VAV2: variants seen among roughly 807,000 people sequenced by gnomAD.
The protein encoded by VAV2 is vav guanine nucleotide exchange factor 2.
VAV2 carries 67 observed loss-of-function variants against 132.5 expected under a neutral mutation model. That is an observed-to-expected ratio of 0.51 (90% CI 0.42 to 0.62). The LOEUF (loss-of-function observed/expected upper bound fraction) is 0.62, where lower values mean the gene tolerates loss of function less well. Ranked by LOEUF, VAV2 falls within the 20% of genes least tolerant of loss-of-function variation. The probability of loss-of-function intolerance (pLI) is 0.00; values close to 1 mark genes in which losing one functional copy is unlikely to be tolerated. For synonymous variants in VAV2, 492 were observed against 443.5 expected, an observed-to-expected ratio of 1.11 and a Z score of -1.37; for missense variants, 938 against 1,153.6, an observed-to-expected ratio of 0.81 and a Z score of 2.71.
At chr9:133,790,844 C>T (rs546315787) in intron 13 of VAV2, among the ~76,000 whole-genome samples, 4 of 152,170 alleles carry the variant, frequency 2.6e-5, no homozygotes, top group South Asian at 2.1e-4. Context: ...GCCTGGCCAT[C>T]GGGGACCTTC....
rs1456256353 is a variant in VAV2 at position 133,797,955 on chromosome 9, C to G, written c.837-146G>C. 4 of 671,116 alleles carry G rather than the reference C, an allele frequency of 6.0e-6. No individual in the cohort carries two copies. In the African/African-American group the frequency reaches 7.4e-5, roughly 12 times the overall value. The allele number at this position is 671,116 out of a possible 1,614,324, so 41.6% of individuals were successfully genotyped here. A position where few individuals can be genotyped will look rare whatever the true frequency, so the allele number is the denominator to read the frequency against. ...ACAGCTCCCTGCACGTGGACACATT[C>G]AACGGCCAGGAGGCTGCTCTCCCCT... On this transcript the variant is annotated intron_variant, in intron 9 of 29. Coordinates refer to ENST00000371850, the MANE Select transcript of VAV2 (RefSeq NM_001134398.2).
At chr9:133,821,184 G>A (rs368004291) in intron 4 of VAV2, among the ~76,000 whole-genome samples, 1 of 152,208 alleles carries the variant, frequency 6.6e-6, no homozygotes, top group Admixed American at 6.5e-5. Context: ...AGAAAGAAGC[G>A]TGTGGAGGCT....
rs753062725 is a variant in VAV2, at chr9:133,796,529, G to A, written c.937-5C>T. 2.5e-6 allele frequency: 4 copies of A among 1,612,408 alleles called. No homozygotes were observed. In the East Asian group the frequency reaches 8.9e-5, roughly 36 times the overall value. ...CTGGACCTTCAGTGTGCACTCCTGG[G>A]AGGGCGACAGGGCGATGGGAGAGCC... is the stretch of plus-strand genomic sequence containing the variant. On this transcript the variant is annotated splice_polypyrimidine_tract_variant and splice_region_variant and intron_variant, in intron 10 of 29. Coordinates refer to ENST00000371850, the MANE Select transcript of VAV2 (RefSeq NM_001134398.2).
At chr9:133,967,898 A>C (rs1030342717) in intron 1 of VAV2, among the ~76,000 whole-genome samples, 2 of 132,028 alleles carry the variant, frequency 1.5e-5, no homozygotes, top group African/African-American at 5.7e-5. Flanking sequence ...ACACCACTGC[A>C]CTCCAGCCTG....
At chr9:133,959,359 A>G (rs1006763175) in intron 1 of VAV2, among the ~76,000 whole-genome samples, 1 of 152,038 alleles carries the variant, frequency 6.6e-6, no homozygotes, top group Non-Finnish European at 1.5e-5. Flanking sequence ...GGCTTCCCCA[A>G]CGGTGACCTC....
chr9:133,943,488 A>G (rs1841246056), intron 1 of VAV2, among the ~76,000 whole-genome samples: 1 of 152,206 alleles, frequency 6.6e-6, no homozygotes, highest in African/African-American at 2.4e-5. Flanking sequence ...TCATTGATCC[A>G]ACCTGGCCTT....
At position 133,770,496 on chromosome 9, in the gene VAV2, C is replaced by G. The variant is rs749975481; in HGVS notation, c.2229G>C (p.Leu743Phe). The G allele has an allele frequency of 7.4e-6, 12 of 1,613,926 alleles. No homozygotes were observed. The highest frequency in any genetic ancestry group is 1.0e-5 in the Non-Finnish European group (12 of 1,179,896). The stretch of plus-strand genomic sequence containing the variant: ...GTGAGTGGCACTGGTAGTACTCCAC[C>G]AACTCCTGCAGGGCGTACACACTCA... ...EAKKFDSLLELVEYYQCHSLK... is the reference protein window; with the variant it reads ...EAKKFDSLLEFVEYYQCHSLK... The change falls in exon 27 of 30, where the codon TTG becomes TTC. Residue 743 changes from leucine to phenylalanine, a missense_variant. By Grantham distance (22) the Leu-to-Phe change is conservative. Coordinates refer to ENST00000371850, the MANE Select transcript of VAV2 (RefSeq NM_001134398.2).
intron 4 of VAV2, among the ~76,000 whole-genome samples, chr9:133,819,847 A>G: frequency 6.6e-6 from 1 of 152,238 alleles, no homozygotes; most frequent in East Asian, 1.9e-4. Context: ...CATATTCTAA[A>G]TGATGAGAGA....
chr9:133,927,632 C>T (rs1162074995), intron 2 of VAV2, among the ~76,000 whole-genome samples: 4 of 152,128 alleles, frequency 2.6e-5, no homozygotes, highest in African/African-American at 7.2e-5. Flanking sequence ...TGGAGTTGGC[C>T]CCACTCCAAG....
rs1833685629 is a variant in VAV2, at chr9:133,772,967, C to T, written c.2136-921G>A. On this transcript the variant is annotated intron_variant, in intron 25 of 29. Coordinates refer to ENST00000371850, the MANE Select transcript of VAV2 (RefSeq NM_001134398.2). ...GCTGAATGATGGAGCCTACTGCACG[C>T]CCCACAACTAGGCTGGACGGCAGAG... Among the ~76,000 whole-genome samples, 2 of 98,418 alleles carry T rather than the reference C, an allele frequency of 2.0e-5. 1 individual carries two copies. Among genetic ancestry groups the T allele is most frequent in the Non-Finnish European group, 5.0e-5 (2 of 39,680 alleles). The allele number at this position is 98,418 out of a possible 152,430, so 64.6% of individuals were successfully genotyped here.
At chr9:133,981,269 C>T (rs1217925979) in intron 1 of VAV2, among the ~76,000 whole-genome samples, 1 of 152,258 alleles carries the variant, frequency 6.6e-6, no homozygotes, top group Non-Finnish European at 1.5e-5. Context: ...CAGAATGCCT[C>T]CTTCTGCAGA....
chr9:133,855,691 G>A (rs1367832470), intron 3 of VAV2, among the ~76,000 whole-genome samples: 2 of 152,214 alleles, frequency 1.3e-5, no homozygotes, highest in Non-Finnish European at 2.9e-5. Flanking sequence ...GAAGCCATAA[G>A]GAAATGCGAG....
intron 2 of VAV2, among the ~76,000 whole-genome samples, chr9:133,911,263 T>A (rs1357130514): frequency 6.6e-6 from 1 of 152,216 alleles, no homozygotes. Flanking sequence ...CCCTTCGCCC[T>A]GGAGCGTGCT....
At chr9:133,988,507 C>A (rs1464953785) in intron 1 of VAV2, among the ~76,000 whole-genome samples, 3 of 152,144 alleles carry the variant, frequency 2.0e-5, no homozygotes, top group Non-Finnish European at 4.4e-5. Context: ...GGCAGCAACC[C>A]CCACCTAGGC....
chr9:133,946,010 T>G (rs1287928975), intron 1 of VAV2, among the ~76,000 whole-genome samples: 1 of 152,204 alleles, frequency 6.6e-6, no homozygotes, highest in Non-Finnish European at 1.5e-5. Context: ...TCAAAGAGAC[T>G]GTACTGAGGC....
Position 133,769,986 on chromosome 9 carries a change from A to C in VAV2, c.2347+392T>G, listed in dbSNP as rs187694011. On this transcript the variant is annotated intron_variant, in intron 27 of 29. Transcript: ENST00000371850. The surrounding 1 kb of genome is among the most constrained non-coding windows in gnomAD (Gnocchi z 8.1). ...TTCTGAGCTGTGGAGTCCAACCTGCAAACAGGCTGCCTCTCACAGAGGAGG... is the reference window on the plus strand; with the variant it reads ...TTCTGAGCTGTGGAGTCCAACCTGCCAACAGGCTGCCTCTCACAGAGGAGG... Among the ~76,000 whole-genome samples, 115 of 152,290 alleles carry C rather than the reference A, an allele frequency of 7.6e-4. No individual in the cohort carries two copies. The highest frequency in any genetic ancestry group is 1.8e-3 in the Admixed American group (27 of 15,302).
intron 9 of VAV2, among the ~76,000 whole-genome samples, chr9:133,799,774 CT>C (rs201750848): frequency 1.3e-5 from 2 of 152,016 alleles, no homozygotes; most frequent in Non-Finnish European, 2.9e-5. Flanking sequence ...GGGTTTTCCC[CT>C]TTTAAAAAAA....
intron 2 of VAV2, among the ~76,000 whole-genome samples, chr9:133,877,901 C>T (rs957971333): frequency 2.6e-5 from 4 of 152,198 alleles, no homozygotes; most frequent in Admixed American, 6.5e-5. Flanking sequence ...TAAGTGCAAG[C>T]GTTAACACAG....
intron 4 of VAV2, among the ~76,000 whole-genome samples, chr9:133,815,175 G>A (rs1050169276): frequency 6.6e-6 from 1 of 152,050 alleles, no homozygotes; most frequent in African/African-American, 2.4e-5. Context: ...GGGTGTGGAA[G>A]GCAGAGTCCC....
Sources: allele counts gnomAD v4.1 joint callset (sites outside exome capture counted in the v4.1 genomes callset), GRCh38; gene constraint gnomAD v4.1.1; non-coding constraint Gnocchi (gnomAD v3.1); transcripts MANE v1.5; gene names NCBI Gene and HGNC (gene_info 2026-07-23, HGNC 2026-07-21).